PIGB: variants seen among roughly 807,000 people sequenced by gnomAD.
The protein encoded by PIGB is GPI alpha-1,2-mannosyltransferase 3.
PIGB carries 58 observed loss-of-function variants against 68.4 expected under a neutral mutation model. The ratio of observed to expected loss-of-function variants is 0.85; its 90% CI spans 0.69 to 1.06. The LOEUF (loss-of-function observed/expected upper bound fraction) is 1.06. Among genes scored for constraint, PIGB ranks in the 50% least tolerant of loss-of-function variants. The probability of loss-of-function intolerance (pLI) is 0.00; values close to 1 mark genes in which losing one functional copy is unlikely to be tolerated. For synonymous variants in PIGB, 219 were observed against 220.5 expected (o/e 0.99, Z 0.06); for missense variants, 634 against 655.8 (o/e 0.97, Z 0.36).
chr15:55,325,097 G>T (rs1229779732), intron 3 of PIGB, among the ~76,000 whole-genome samples: 5 of 151,936 alleles, frequency 3.3e-5, no homozygotes, highest in African/African-American at 9.7e-5. Flanking sequence ...GAGGGTGAGG[G>T]GGGTGGATCA....
chr15:55,321,129 G>T (rs1341863771), intron 2 of PIGB, 144 bp from the exon 3 acceptor site: 5 of 463,890 alleles, frequency 1.1e-5, no homozygotes, highest in Non-Finnish European at 1.8e-5. Flanking sequence ...GCCAGGTGAA[G>T]TGGTGTGCAC....
At chr15:55,327,370 T>C (rs1458905161) in intron 3 of PIGB, among the ~76,000 whole-genome samples, 161 bp from the exon 4 acceptor site, 1 of 151,966 alleles carries the variant, frequency 6.6e-6, no homozygotes, top group Non-Finnish European at 1.5e-5. Flanking sequence ...AAAGGGGATG[T>C]AGGGATGTAG....
At chr15:55,337,279 C>A (rs1017551248) in intron 6 of PIGB, among the ~76,000 whole-genome samples, 49 of 152,140 alleles carry the variant, frequency 3.2e-4, no homozygotes, top group African/African-American at 1.1e-3. Flanking sequence ...CTTTTAAGTA[C>A]TTACAAAAGC....
intron 9 of PIGB, chr15:55,349,921 C>T (rs1385873681): frequency 2.6e-5 from 4 of 152,118 alleles, no homozygotes; most frequent in Non-Finnish European, 5.9e-5. Context: ...CTAATATGTC[C>T]ATTAATAGTG....
intron 5 of PIGB, among the ~76,000 whole-genome samples, chr15:55,331,984 T>A (rs1310214343): frequency 6.7e-6 from 1 of 148,924 alleles, no homozygotes; most frequent in Non-Finnish European, 1.5e-5. Flanking sequence ...TTTTATTTTA[T>A]TTTTTTTTTT....
chr15:55,334,114 G>A, intron 6 of PIGB, 107 bp downstream of exon 6: 1 of 708,898 alleles, frequency 1.4e-6, no homozygotes, highest in East Asian at 3.1e-5. Context: ...TAATGTCAAT[G>A]AGAACTCTTA....
chr15:55,322,742 A>G (rs540748000), intron 3 of PIGB, among the ~76,000 whole-genome samples: 48 of 152,290 alleles, frequency 3.2e-4, no homozygotes, highest in African/African-American at 9.9e-4. Flanking sequence ...TGGGAAGATG[A>G]TGGGGAAGGA....
rs377161481 is a variant in PIGB at position 55,354,839 on chromosome 15, C to A, written c.1379C>A (p.Pro460Gln). 3 of 1,613,606 alleles carry A rather than the reference C, an allele frequency of 1.9e-6. No individual in the cohort carries two copies. Among genetic ancestry groups the A allele is most frequent in the Non-Finnish European group, 2.5e-6 (3 of 1,179,734 alleles). ...CTTCCCATGAGATTTCTCCAGTGCC[C>A]GCCAGACCTGACTGGAAAAAGTCAT... ...CPLPMRFLQC[P>Q]PDLTGKSHYL... The change falls in exon 11 of 12, where the codon CCG becomes CAG. Residue 460 changes from proline to glutamine, a missense_variant. Transcript: ENST00000164305.
chr15:55,340,455 TAAAAAAAA>T, intron 7 of PIGB, 149 bp from the exon 8 acceptor site: 1 of 315,066 alleles, frequency 3.2e-6, no homozygotes, highest in Non-Finnish European at 5.5e-6. Flanking sequence ...GACTCCATCT[TAAAAAAAA>T]AAAAAAAAAA....
chr15:55,331,927 T>G (rs1027050611), intron 5 of PIGB, among the ~76,000 whole-genome samples: 1 of 152,066 alleles, frequency 6.6e-6, no homozygotes, highest in African/African-American at 2.4e-5. Flanking sequence ...TGGGCTAGGA[T>G]TCCTTCATGA....
chr15:55,340,853 AT>A, intron 8 of PIGB, 30 bp downstream of exon 8: 1 of 1,339,228 alleles, frequency 7.5e-7, no homozygotes, highest in Non-Finnish European at 1.0e-6. Flanking sequence ...AAAGGCTAAA[AT>A]TTTTTATGTT....
intron 3 of PIGB, among the ~76,000 whole-genome samples, chr15:55,326,662 C>G (rs2055293452): frequency 6.6e-6 from 1 of 150,512 alleles, no homozygotes; most frequent in East Asian, 2.0e-4. Flanking sequence ...GTCAGGAGAT[C>G]GAGACCATGC....
intron 10 of PIGB, 84 bp from the exon 11 acceptor site, chr15:55,354,714 G>A: frequency 2.0e-6 from 2 of 1,017,738 alleles, no homozygotes; most frequent in South Asian, 3.6e-5. Flanking sequence ...TTCACATTTT[G>A]CTAAGTATAA....
chr15:55,328,968 A>AT (rs1483711166), intron 4 of PIGB, among the ~76,000 whole-genome samples: 2 of 152,204 alleles, frequency 1.3e-5, no homozygotes, highest in Non-Finnish European at 1.5e-5. Context: ...AGAAAAAAAA[A>AT]GGATACAGCA....
intron 6 of PIGB, among the ~76,000 whole-genome samples, chr15:55,336,475 C>T (rs1267745377): frequency 6.6e-6 from 1 of 152,180 alleles, no homozygotes; most frequent in East Asian, 1.9e-4. Flanking sequence ...CTTAGCCTAC[C>T]ATAAACGTGC....
intron 9 of PIGB, among the ~76,000 whole-genome samples, chr15:55,347,983 CTTT>C (rs576991463): frequency 1.4e-4 from 13 of 93,992 alleles, no homozygotes; most frequent in Middle Eastern, 0.01. Context: ...GCCATAGTTT[CTTT>C]TTTTTTTTTT....
intron 4 of PIGB, 82 bp from the exon 5 acceptor site, chr15:55,329,642 C>G: frequency 9.1e-7 from 1 of 1,097,152 alleles, no homozygotes; most frequent in Middle Eastern, 2.1e-4. Context: ...AATATTTAGA[C>G]TTGCTTGCTA....
At chr15:55,327,856 T>C (rs1306227827) in intron 4 of PIGB, among the ~76,000 whole-genome samples, 1 of 152,214 alleles carries the variant, frequency 6.6e-6, no homozygotes, top group Non-Finnish European at 1.5e-5. Context: ...CCTCAAACCC[T>C]ATGAGAGTCT....
chr15:55,349,294 T>A (rs2141215998), intron 9 of PIGB, among the ~76,000 whole-genome samples: 1 of 152,226 alleles, frequency 6.6e-6, no homozygotes, highest in Non-Finnish European at 1.5e-5. Flanking sequence ...GTGAACCTCC[T>A]GCCTCAGCCT....
Sources: allele counts gnomAD v4.1 joint callset (sites outside exome capture counted in the v4.1 genomes callset), GRCh38; gene constraint gnomAD v4.1.1; transcripts MANE v1.5; gene names NCBI Gene and HGNC (gene_info 2026-07-23, HGNC 2026-07-21).